The following BMP1 variants were observed in gnomAD, a reference collection of about 807,000 sequenced individuals.
BMP1 encodes mammalian tolloid protein.
A neutral mutation model predicts 116.8 loss-of-function variants in BMP1; 63 were observed. That is an observed-to-expected ratio of 0.54 (90% CI 0.44 to 0.67). The LOEUF is 0.67. BMP1 is among the 30% of genes least tolerant of loss of function. BMP1 has a pLI of 0.00. For missense variants in BMP1, 1,183 were observed against 1,358.9 expected (o/e 0.87, Z 2.04); for synonymous variants, 536 against 533.4 (o/e 1.00, Z -0.07).
chr8:22,195,311 C>A (rs1829050089), intron 12 of BMP1, 151 bp from the exon 13 acceptor site: 9 of 935,072 alleles, frequency 9.6e-6, no homozygotes, highest in Non-Finnish European at 1.3e-5. Context: ...GAGACACCAG[C>A]CCAGTCCATG....
chr8:22,179,878 G>T lies in BMP1; in HGVS notation c.961+49G>T. On this transcript the variant is annotated intron_variant, in intron 7 of 19. Transcript: ENST00000306385. This position sits in a 1 kb window ranked among gnomAD's most constrained non-coding sequence, Gnocchi z 4.6. ...GAGGGCGTGGAGGGCAGGGCCTGAG[G>T]GAGGCAGAGGCCAGGTGCCTGGTGC... is the stretch of plus-strand genomic sequence containing the variant. 6.4e-7 allele frequency: 1 copy of T among 1,566,172 alleles called. No individual in the cohort carries two copies. Among genetic ancestry groups the T allele is most frequent in the East Asian group, 2.3e-5 (1 of 44,324 alleles).
At chr8:22,202,920 G>A (rs573443783) in intron 16 of BMP1, among the ~76,000 whole-genome samples, 16 of 152,202 alleles carry the variant, frequency 1.1e-4, no homozygotes, top group African/African-American at 3.9e-4. Context: ...TGAGGTGGGA[G>A]AATCACCTGA....
At chr8:22,196,240 T>C (rs760311920) in intron 13 of BMP1, 1 of 529,044 alleles carries the variant, frequency 1.9e-6, no homozygotes, top group Admixed American at 1.9e-5. Flanking sequence ...TTTCCGCCTC[T>C]CCACGCATGG....
intron 2 of BMP1, among the ~76,000 whole-genome samples, chr8:22,175,703 C>T (rs1375777509): frequency 6.6e-6 from 1 of 152,176 alleles, no homozygotes; most frequent in East Asian, 1.9e-4. Flanking sequence ...ACCTAGCACA[C>T]GTATGTTCTC....
At chr8:22,181,934 A>G (rs565858887) in intron 8 of BMP1, among the ~76,000 whole-genome samples, 62 of 152,206 alleles carry the variant, frequency 4.1e-4, no homozygotes, top group African/African-American at 1.4e-3. Flanking sequence ...CTCAAGAGCA[A>G]TGCAGGATAA....
chr8:22,177,291 C>A, intron 5 of BMP1, 152 bp downstream of exon 5: 1 of 823,306 alleles, frequency 1.2e-6, no homozygotes, highest in Non-Finnish European at 1.9e-6. Context: ...CCAGCCCCTG[C>A]CCTTGAGGCA....
At chr8:22,171,769 G>A (rs1828283883) in intron 1 of BMP1, 1 of 152,186 alleles carries the variant, frequency 6.6e-6, no homozygotes, top group South Asian at 2.1e-4. Flanking sequence ...TAAAATGGAA[G>A]TTTGGCCTCG....
At position 22,209,565 on chromosome 8, in the gene BMP1, G is replaced by A; in HGVS notation, c.2696G>A (p.Gly899Asp). The change falls in exon 19 of 20, where the codon GGC becomes GAC. Residue 899 changes from glycine to aspartate, a missense_variant. This residue lies in a region of BMP1 where 956 missense variants were observed against 1,135.2 expected (regional missense o/e 0.84). Transcript: ENST00000306385. ...DCEWVIVAEE[G>D]YGVELVFQTF... is the part of the protein sequence containing the mutation. The stretch of plus-strand genomic sequence containing the variant: ...GAGTGGGTCATTGTGGCCGAGGAAG[G>A]CTACGGCGTGGAGCTCGTGTTCCAG... The A allele has an allele frequency of 6.2e-7, 1 of 1,614,252 alleles. No individual in the cohort carries two copies. Among genetic ancestry groups the A allele is most frequent in the Non-Finnish European group, 8.5e-7 (1 of 1,180,044 alleles).
chr8:22,178,344 C>T (rs1479827775), intron 6 of BMP1, among the ~76,000 whole-genome samples: 1 of 152,236 alleles, frequency 6.6e-6, no homozygotes, highest in Admixed American at 6.5e-5. Flanking sequence ...GGCTGGAGTG[C>T]AGTGGCACAG....
chr8:22,174,840 G>A (rs1386859626), intron 2 of BMP1, among the ~76,000 whole-genome samples: 1 of 152,004 alleles, frequency 6.6e-6, no homozygotes, highest in Non-Finnish European at 1.5e-5. Flanking sequence ...CACGGTGTTG[G>A]CCAGGCTGGT....
At chr8:22,196,628 T>C (rs1586463373) in intron 13 of BMP1, 52 bp from the exon 14 acceptor site, 1 of 1,610,592 alleles carries the variant, frequency 6.2e-7, no homozygotes, top group African/African-American at 1.3e-5. Context: ...TCTCAGCCCT[T>C]CCCCATGGCA....
chr8:22,212,079 G>A lies in BMP1; in HGVS notation c.*351G>A, dbSNP rs921286340. On this transcript the variant is annotated 3_prime_UTR_variant, in exon 20 of 20. Transcript: ENST00000306385. Reference sequence around the variant, plus strand: ...TCTACACGCTGTATTGTGTATCACCGGGGGCATTATTTTCATTGTAATGTT... The same window carrying A: ...TCTACACGCTGTATTGTGTATCACCAGGGGCATTATTTTCATTGTAATGTT... 3.1e-5 allele frequency: 8 copies of A among 258,650 alleles called. No homozygotes were observed. Among genetic ancestry groups the A allele is most frequent in the East Asian group, 2.2e-4 (3 of 13,470 alleles). The allele number at this position is 258,650 out of a possible 1,614,324, so 16.0% of individuals were successfully genotyped here.
chr8:22,167,644 A>C (rs1004615675), intron 1 of BMP1, among the ~76,000 whole-genome samples: 6 of 152,160 alleles, frequency 3.9e-5, no homozygotes, highest in Non-Finnish European at 8.8e-5. Context: ...TGGAGCTTCA[A>C]GTAAGGGCTC....
intron 8 of BMP1, among the ~76,000 whole-genome samples, chr8:22,187,497 ATT>A (rs768807192): frequency 2.5e-4 from 26 of 104,410 alleles, no homozygotes; most frequent in African/African-American, 9.8e-4. Flanking sequence ...CGCCCGGCTA[ATT>A]TTTTTTTTTT....
chr8:22,181,301 C>A (rs538454801), intron 8 of BMP1, among the ~76,000 whole-genome samples: 4 of 152,162 alleles, frequency 2.6e-5, no homozygotes, highest in Admixed American at 2.0e-4. Context: ...GGGCTGGCTT[C>A]GGGCATACTA....
At chr8:22,199,763 C>T (rs57572762) in intron 15 of BMP1, among the ~76,000 whole-genome samples, 10,777 of 152,218 alleles carry the variant, frequency 0.071, 442 homozygotes, top group African/African-American at 0.11. Flanking sequence ...TTCACCCCCA[C>T]ATTTTCTGCA....
At chr8:22,168,691 T>C (rs928169705) in intron 1 of BMP1, among the ~76,000 whole-genome samples, 1 of 152,100 alleles carries the variant, frequency 6.6e-6, no homozygotes, top group African/African-American at 2.4e-5. Context: ...GGTCGAGAAG[T>C]AATCTCTCCT....
chr8:22,179,515 C>T lies in BMP1; in HGVS notation c.837-190C>T, dbSNP rs1048667000. Among the ~76,000 whole-genome samples the T allele has an allele frequency of 6.6e-5, 10 of 152,288 alleles. No homozygotes were observed. The highest frequency in any genetic ancestry group is 2.4e-4 in the African/African-American group (10 of 41,570). On this transcript the variant is annotated intron_variant, in intron 6 of 19. Transcript: ENST00000306385. This position sits in a 1 kb window ranked among gnomAD's most constrained non-coding sequence, Gnocchi z 4.6. ...CCCGACTCCTGTGGTGTGGCTGCCACGGAGCAGGGTGGCTGCTGGTCAGTG... is the reference window on the plus strand; with the variant it reads ...CCCGACTCCTGTGGTGTGGCTGCCATGGAGCAGGGTGGCTGCTGGTCAGTG...
At chr8:22,198,157 C>T (rs766421442) in intron 15 of BMP1, among the ~76,000 whole-genome samples, 16 of 152,198 alleles carry the variant, frequency 1.1e-4, no homozygotes, top group Admixed American at 2.0e-4. Flanking sequence ...TCACTCCAGA[C>T]CCTGTTTCTA....
Sources: allele counts gnomAD v4.1 joint callset (sites outside exome capture counted in the v4.1 genomes callset), GRCh38; gene constraint gnomAD v4.1.1; regional missense constraint gnomAD v4.1.1; non-coding constraint Gnocchi (gnomAD v3.1); transcripts MANE v1.5; gene names NCBI Gene and HGNC (gene_info 2026-07-23, HGNC 2026-07-21).